Variants in NKAIN3 observed in about 807,000 individuals in gnomAD.
NKAIN3 encodes sodium/potassium-transporting ATPase subunit beta-1-interacting protein 3.
In NKAIN3, 25 loss-of-function variants were observed where a neutral mutation model predicts 30.2. The ratio of observed to expected loss-of-function variants is 0.83; its 90% CI spans 0.60 to 1.16. The LOEUF is 1.16. NKAIN3 is among the 50% of genes most tolerant of loss of function. NKAIN3 has a pLI of 0.00. For missense variants in NKAIN3, 225 were observed against 254.1 expected, an observed-to-expected ratio of 0.89 and a Z score of 0.78; for synonymous variants, 91 against 89.6, an observed-to-expected ratio of 1.02 and a Z score of -0.09.
intron 3 of NKAIN3, among the ~76,000 whole-genome samples, chr8:62,590,834 A>G (rs895446388): frequency 2.0e-5 from 3 of 151,828 alleles, no homozygotes; most frequent in African/African-American, 4.8e-5. Context: ...AATAACTGTA[A>G]TTAGAACTTG....
At chr8:62,512,662 G>C (rs1391221060) in intron 1 of NKAIN3, among the ~76,000 whole-genome samples, 1 of 152,034 alleles carries the variant, frequency 6.6e-6, no homozygotes, top group South Asian at 2.1e-4. Flanking sequence ...CACTTTCATG[G>C]ACCCAGGTCC....
chr8:62,735,983 G>A lies in NKAIN3; in HGVS notation c.274-10949G>A, dbSNP rs115841901. Among the ~76,000 whole-genome samples, 808 of 152,272 alleles carry A rather than the reference G, an allele frequency of 5.3e-3. 6 individuals are homozygous for A. Among genetic ancestry groups the A allele is most frequent in the African/African-American group, 0.018 (736 of 41,556 alleles). On this transcript the variant is annotated intron_variant, in intron 3 of 6. Transcript: ENST00000623646. Reference sequence around the variant, plus strand: ...CTGAGGAGTGTCTGCAAAGGGTTCCGTGATGTGATTGGTCTTCAGGTCTCT... The same window carrying A: ...CTGAGGAGTGTCTGCAAAGGGTTCCATGATGTGATTGGTCTTCAGGTCTCT...
At chr8:62,864,137 C>T (rs1181667908) in intron 4 of NKAIN3, 9 of 619,944 alleles carry the variant, frequency 1.5e-5, no homozygotes, top group Non-Finnish European at 1.7e-5. Context: ...GCGACGCGAG[C>T]GCGGAAACCA....
chr8:62,569,031 A>T (rs1434718623), intron 1 of NKAIN3, among the ~76,000 whole-genome samples: 1 of 152,202 alleles, frequency 6.6e-6, no homozygotes, highest in Non-Finnish European at 1.5e-5. Flanking sequence ...AAGTAACAGG[A>T]AAAGGAGGTG....
chr8:62,698,566 T>C (rs572018947), intron 3 of NKAIN3, among the ~76,000 whole-genome samples: 1 of 152,334 alleles, frequency 6.6e-6, no homozygotes, highest in Non-Finnish European at 1.5e-5. Context: ...ATGACTCTCA[T>C]GGAGTTCTTA....
chr8:62,454,224 C>T (rs1176639453), intron 1 of NKAIN3, among the ~76,000 whole-genome samples: 1 of 144,740 alleles, frequency 6.9e-6, no homozygotes, highest in South Asian at 2.2e-4. Flanking sequence ...AATCTTTCAG[C>T]TTCCATGGGC....
At chr8:62,608,325 T>C (rs1811188572) in intron 3 of NKAIN3, among the ~76,000 whole-genome samples, 1 of 152,186 alleles carries the variant, frequency 6.6e-6, no homozygotes, top group Non-Finnish European at 1.5e-5. Flanking sequence ...AAATTGATCA[T>C]AAAAGCCAAA....
Position 62,965,620 on chromosome 8 carries a change from T to TA in NKAIN3, c.*229dup, listed in dbSNP as rs35150872. 0.31 allele frequency: 275,950 copies of TA among 876,404 alleles called. 12,972 individuals carry two copies. The highest frequency in any genetic ancestry group is 0.49 in the African/African-American group (24,445 of 50,242). The allele number at this position is 876,404 out of a possible 1,614,324, so 54.3% of individuals were successfully genotyped here. The stretch of plus-strand genomic sequence containing the variant: ...TTCTTATATGAACACTTGTAAGTTG[T>TA]AAAAAAAAAAAAAAAAGAAAAAACA... On this transcript the variant is annotated 3_prime_UTR_variant, in exon 7 of 7. Transcript: ENST00000623646.
intron 1 of NKAIN3, among the ~76,000 whole-genome samples, chr8:62,471,767 G>A (rs1172046567): frequency 6.6e-6 from 1 of 152,122 alleles, no homozygotes; most frequent in East Asian, 1.9e-4. Flanking sequence ...AACATAGGAA[G>A]ACCTCACCTC....
At chr8:62,342,126 AT>A (rs1182711900) in intron 1 of NKAIN3, among the ~76,000 whole-genome samples, 7 of 151,240 alleles carry the variant, frequency 4.6e-5, no homozygotes, top group Admixed American at 2.6e-4. Context: ...ATAGAAAAAA[AT>A]GTTTCCAATA....
intron 3 of NKAIN3, among the ~76,000 whole-genome samples, chr8:62,700,350 T>G (rs1486674630): frequency 6.6e-6 from 1 of 152,228 alleles, no homozygotes; most frequent in African/African-American, 2.4e-5. Context: ...ATTCCACATC[T>G]TGTGCTTAAA....
chr8:62,613,243 G>T (rs1188752756), intron 3 of NKAIN3, among the ~76,000 whole-genome samples: 1 of 152,074 alleles, frequency 6.6e-6, no homozygotes, highest in African/African-American at 2.4e-5. Context: ...GTTTGTCTGA[G>T]AAAATATTTA....
chr8:62,900,224 A>T (rs891806461), intron 4 of NKAIN3, among the ~76,000 whole-genome samples: 1 of 62,606 alleles, frequency 1.6e-5, no homozygotes, highest in Admixed American at 1.8e-4. Context: ...TGTTCTTTTG[A>T]CTCATATCTT....
At chr8:62,480,565 AATG>A (rs1185942693) in intron 1 of NKAIN3, among the ~76,000 whole-genome samples, 1 of 151,112 alleles carries the variant, frequency 6.6e-6, no homozygotes, top group Non-Finnish European at 1.5e-5. Flanking sequence ...AGAGAAGAAA[AATG>A]ATTTCCAAGA....
rs140187794 is a variant in NKAIN3 at position 62,608,040 on chromosome 8, T to C, written c.273+18246T>C. ...AAAAAATTGTGTTAAACTTTTAATA[T>C]GAGAAACAAATCAAGACTCCTTATG... On this transcript the variant is annotated intron_variant, in intron 3 of 6. Transcript: ENST00000623646. 1.9e-3 allele frequency among the ~76,000 whole-genome samples: 290 copies of C among 152,286 alleles called. 1 individual carries two copies. The highest frequency in any genetic ancestry group is 6.9e-3 in the African/African-American group (285 of 41,580).
intron 3 of NKAIN3, among the ~76,000 whole-genome samples, chr8:62,679,685 G>A (rs1301719014): frequency 6.6e-6 from 1 of 152,092 alleles, no homozygotes; most frequent in South Asian, 2.1e-4. Context: ...AAGAGAGAGA[G>A]CAAGGAGGTG....
At chr8:62,546,455 A>G (rs1038360564) in intron 1 of NKAIN3, among the ~76,000 whole-genome samples, 5 of 152,222 alleles carry the variant, frequency 3.3e-5, no homozygotes, top group African/African-American at 9.6e-5. Flanking sequence ...GCATGTAAGT[A>G]GCTACACTCA....
chr8:62,289,788 G>A (rs545246574), intron 1 of NKAIN3, among the ~76,000 whole-genome samples: 1 of 152,296 alleles, frequency 6.6e-6, no homozygotes, highest in African/African-American at 2.4e-5. Flanking sequence ...GAAAGTCATT[G>A]GTAGCTTGAT....
chr8:62,515,785 C>T (rs1807967263), intron 1 of NKAIN3, among the ~76,000 whole-genome samples: 1 of 152,086 alleles, frequency 6.6e-6, no homozygotes, highest in Non-Finnish European at 1.5e-5. Flanking sequence ...TGGAAGAAAA[C>T]CCTTGTTTTA....
Sources: gnomAD v4.1 joint callset for allele counts (sites outside exome capture counted in the v4.1 genomes callset) on GRCh38, gnomAD v4.1.1 for gene constraint, MANE v1.5 for transcripts, NCBI Gene and HGNC (gene_info 2026-07-23, HGNC 2026-07-21) for gene names.